PCDHA1: variants seen among roughly 807,000 people sequenced by gnomAD.
PCDHA1 encodes the protein protocadherin alpha-1.
A neutral mutation model predicts 61.3 loss-of-function variants in PCDHA1; 42 were observed. The observed-to-expected ratio is 0.69, with a 90% CI of 0.54 to 0.89. PCDHA1 has a LOEUF of 0.89. Among genes scored for constraint, PCDHA1 ranks in the 40% least tolerant of loss-of-function variants. The pLI is 0.00. For missense variants in PCDHA1, 1,256 were observed against 1,235.3 expected, an observed-to-expected ratio of 1.02 and a Z score of -0.25; for synonymous variants, 610 against 553.8, an observed-to-expected ratio of 1.10 and a Z score of -1.43.
At position 140,850,694 on chromosome 5, in the gene PCDHA1, G is replaced by T. The variant is rs2150494629; in HGVS notation, c.2394+62010G>T. The T allele has an allele frequency of 5.6e-6, 9 of 1,598,344 alleles. 1 individual carries two copies. The Admixed American group carries it at 8.4e-5, about 15-fold the overall frequency. On this transcript the variant is annotated intron_variant, in intron 1 of 3. Coordinates refer to ENST00000504120, the MANE Select transcript of PCDHA1 (RefSeq NM_018900.4). ...CGATGCCCACCGAGGGCGAGTGCGC[G>T]CCTGGCAAGCCGACGCTGGTGTGTT...
intron 1 of PCDHA1, chr5:140,882,051 A>T: frequency 1.3e-6 from 1 of 757,670 alleles, no homozygotes; most frequent in Non-Finnish European, 2.0e-6. Flanking sequence ...AGTCATACTT[A>T]CACTTACACG....
chr5:140,882,737 G>C lies in PCDHA1; in HGVS notation c.2394+94053G>C, dbSNP rs1375859660. The C allele has an allele frequency of 3.7e-6, 6 of 1,614,090 alleles. No homozygotes were observed. In the East Asian group the frequency reaches 1.1e-4, roughly 30 times the overall value. ...GGAAACTCGATTTCCACTAGATGGC[G>C]CATCCGATGCAGATATTGGAGTAAA... On this transcript the variant is annotated intron_variant, in intron 1 of 3. Transcript: ENST00000504120.
chr5:140,875,591 A>C, intron 1 of PCDHA1: 2 of 1,613,998 alleles, frequency 1.2e-6, no homozygotes, highest in Non-Finnish European at 1.7e-6. Context: ...GAGGAGGCCA[A>C]ACACGGCACC....
At chr5:140,837,629 C>CT (rs2150277750) in intron 1 of PCDHA1, among the ~76,000 whole-genome samples, 8 of 148,948 alleles carry the variant, frequency 5.4e-5, no homozygotes, top group Admixed American at 1.3e-4. Flanking sequence ...TCCTTCCTTC[C>CT]TTCCTTTCTT....
intron 1 of PCDHA1, among the ~76,000 whole-genome samples, chr5:140,933,231 A>G (rs1488760874): frequency 4.6e-5 from 7 of 152,008 alleles, no homozygotes; most frequent in Non-Finnish European, 1.0e-4. Context: ...GCATTTATGA[A>G]AAAGAAAGGA....
At chr5:140,828,988 G>A (rs2150161679) in intron 1 of PCDHA1, 6 of 1,613,982 alleles carry the variant, frequency 3.7e-6, no homozygotes, top group Non-Finnish European at 5.1e-6. Flanking sequence ...ATCGAAATAC[G>A]GGAGAAATAG....
intron 1 of PCDHA1, chr5:140,857,655 C>A: frequency 1.3e-6 from 2 of 1,596,728 alleles, no homozygotes; most frequent in East Asian, 2.2e-5. Context: ...CAGGTGAGCG[C>A]GCGCGATGGG....
chr5:140,942,796 G>C (rs2093370095), intron 1 of PCDHA1, among the ~76,000 whole-genome samples: 1 of 152,002 alleles, frequency 6.6e-6, no homozygotes, highest in Non-Finnish European at 1.5e-5. Flanking sequence ...ACAAAGGCAT[G>C]TTTTCCACAA....
intron 1 of PCDHA1, chr5:140,802,723 C>A: frequency 1.2e-6 from 2 of 1,612,564 alleles, no homozygotes; most frequent in South Asian, 2.2e-5. Context: ...AGCTACGTGT[C>A]GGTACACGCG....
chr5:140,930,859 G>GAT lies in PCDHA1; in HGVS notation c.2395-48089_2395-48088dup, dbSNP rs1554208143. On this transcript the variant is annotated intron_variant, in intron 1 of 3. Transcript: ENST00000504120. ...AATAAATATGTGCATATATGAATTG[G>GAT]ATGGTAACACTGTTCAACACAGAGG... Among the ~76,000 whole-genome samples, 803 of 152,288 alleles carry GAT rather than the reference G, an allele frequency of 5.3e-3. 3 individuals are homozygous for GAT. Among genetic ancestry groups the GAT allele is most frequent in the Non-Finnish European group, 8.4e-3 (568 of 68,020 alleles).
chr5:140,966,385 G>C (rs1486179807), intron 1 of PCDHA1: 1 of 405,050 alleles, frequency 2.5e-6, no homozygotes, highest in East Asian at 3.6e-5. Flanking sequence ...CGGGTTCGCT[G>C]TCCGCCACTT....
intron 1 of PCDHA1, chr5:140,849,440 A>G: frequency 6.3e-7 from 1 of 1,584,040 alleles, no homozygotes; most frequent in Non-Finnish European, 8.6e-7. Flanking sequence ...AAAGTAGAGC[A>G]CACAAGATCC....
chr5:140,808,124 A>G, intron 1 of PCDHA1: 1 of 1,614,134 alleles, frequency 6.2e-7, no homozygotes, highest in East Asian at 2.2e-5. Context: ...CTTTGAAGAA[A>G]GCAAATCCTA....
intron 1 of PCDHA1, chr5:140,855,790 T>G: frequency 2.3e-6 from 1 of 441,252 alleles, no homozygotes; most frequent in East Asian, 3.4e-5. Context: ...AAAAAAGAAT[T>G]AACATATGAA....
At chr5:140,828,891 C>G (rs189039710) in intron 1 of PCDHA1, 11 of 1,614,240 alleles carry the variant, frequency 6.8e-6, no homozygotes, top group Middle Eastern at 3.3e-4. Flanking sequence ...CTGAATGCTT[C>G]TGATCGGGAT....
chr5:140,991,019 T>G (rs1333119856), intron 3 of PCDHA1, among the ~76,000 whole-genome samples: 1 of 152,178 alleles, frequency 6.6e-6, no homozygotes, highest in Non-Finnish European at 1.5e-5. Flanking sequence ...GATAAGCACT[T>G]TACATATGTT....
intron 1 of PCDHA1, chr5:140,803,240 G>C: frequency 3.1e-6 from 5 of 1,613,800 alleles, no homozygotes; most frequent in Non-Finnish European, 4.2e-6. Context: ...CCTCGTCCCA[G>C]GCGTCCGCTG....
intron 1 of PCDHA1, among the ~76,000 whole-genome samples, chr5:140,840,629 G>C (rs190376919): frequency 6.6e-6 from 1 of 152,022 alleles, no homozygotes; most frequent in South Asian, 2.1e-4. Flanking sequence ...ACAAGCTATA[G>C]AGATATAGAG....
At chr5:140,966,741 G>A in intron 1 of PCDHA1, 1 of 1,421,320 alleles carries the variant, frequency 7.0e-7, no homozygotes, top group Non-Finnish European at 9.1e-7. Context: ...GGCCCTGCCC[G>A]GCTGCCTCCG....
Sources: gnomAD v4.1 joint callset for allele counts (sites outside exome capture counted in the v4.1 genomes callset) on GRCh38, gnomAD v4.1.1 for gene constraint, MANE v1.5 for transcripts, NCBI Gene and HGNC (gene_info 2026-07-23, HGNC 2026-07-21) for gene names.